Variants in ARHGAP24 observed in about 807,000 individuals in gnomAD.
ARHGAP24 encodes the protein Rho GTPase activating protein 24, also known as rho GTPase-activating protein 24.
In ARHGAP24, 50 loss-of-function variants were observed where a neutral mutation model predicts 76.4. That is an observed-to-expected ratio of 0.65 (90% CI 0.52 to 0.83). The LOEUF (loss-of-function observed/expected upper bound fraction) is 0.83. ARHGAP24 is among the 40% of genes least tolerant of loss of function. ARHGAP24 has a pLI of 0.00. For missense variants in ARHGAP24, 930 were observed against 914.2 expected (o/e 1.02, Z -0.22); for synonymous variants, 345 against 323.3 (o/e 1.07, Z -0.72).
intron 1 of ARHGAP24, among the ~76,000 whole-genome samples, chr4:85,485,591 T>C (rs1408071017): frequency 6.6e-6 from 1 of 151,478 alleles, no homozygotes; most frequent in African/African-American, 2.4e-5. Context: ...TATTAATTAG[T>C]GCCTGAGAAC....
At chr4:85,574,671 C>T (rs561310016) in intron 2 of ARHGAP24, among the ~76,000 whole-genome samples, 10 of 152,338 alleles carry the variant, frequency 6.6e-5, no homozygotes, top group Non-Finnish European at 1.3e-4. Context: ...CTATGTTAAT[C>T]TCAGAAAGGA....
At chr4:85,902,041 G>T (rs781763859) in intron 3 of ARHGAP24, among the ~76,000 whole-genome samples, 41 of 152,030 alleles carry the variant, frequency 2.7e-4, no homozygotes, top group Non-Finnish European at 2.8e-4. Flanking sequence ...TGTTCTCATT[G>T]TTCAGCTCCC....
chr4:85,684,470 T>A (rs1723347216), intron 2 of ARHGAP24, among the ~76,000 whole-genome samples: 1 of 152,178 alleles, frequency 6.6e-6, no homozygotes, highest in African/African-American at 2.4e-5. Flanking sequence ...CATTCATTCT[T>A]TGAAATGAGA....
chr4:85,928,332 C>A (rs535538665), intron 4 of ARHGAP24, among the ~76,000 whole-genome samples: 1 of 151,922 alleles, frequency 6.6e-6, no homozygotes, highest in Non-Finnish European at 1.5e-5. Flanking sequence ...CCTTTCCTCC[C>A]GTCCTTCCTT....
intron 1 of ARHGAP24, among the ~76,000 whole-genome samples, chr4:85,567,369 G>C (rs1726891279): frequency 6.6e-6 from 1 of 152,184 alleles, no homozygotes; most frequent in Non-Finnish European, 1.5e-5. Context: ...AAGCCAAAAG[G>C]ATGGATTTGA....
chr4:85,597,241 A>G (rs892793037), intron 2 of ARHGAP24, among the ~76,000 whole-genome samples: 2 of 152,156 alleles, frequency 1.3e-5, no homozygotes, highest in Non-Finnish European at 2.9e-5. Context: ...TGTCAGGAAC[A>G]TAAAAGATAA....
At chr4:85,502,700 A>G (rs1445961705) in intron 1 of ARHGAP24, among the ~76,000 whole-genome samples, 2 of 152,188 alleles carry the variant, frequency 1.3e-5, no homozygotes, top group African/African-American at 4.8e-5. Context: ...TCCTAATTGA[A>G]TACCCTCTAT....
chr4:85,570,740 A>G lies in ARHGAP24; in HGVS notation c.180+19A>G. ...GCCCTTGGTGAGTAGGAGAAAATGT[A>G]AAGCATTAAGGGCCTAAGAAAGCCA... On this transcript the variant is annotated intron_variant, in intron 2 of 9. Transcript: ENST00000395184. 6.2e-7 allele frequency: 1 copy of G among 1,613,638 alleles called. No homozygotes were observed. Among genetic ancestry groups the G allele is most frequent in the South Asian group, 1.1e-5 (1 of 91,050 alleles).
chr4:85,617,875 A>G (rs1182094671), intron 2 of ARHGAP24, among the ~76,000 whole-genome samples: 2 of 152,162 alleles, frequency 1.3e-5, no homozygotes, highest in African/African-American at 4.8e-5. Flanking sequence ...CAAAAATTCT[A>G]TATTTTATAC....
chr4:85,806,259 A>G (rs1386226907), intron 3 of ARHGAP24, among the ~76,000 whole-genome samples: 4 of 152,216 alleles, frequency 2.6e-5, no homozygotes, highest in East Asian at 3.9e-4. Context: ...CTAAAGGGGA[A>G]GAAGGGATGC....
chr4:85,916,195 G>GT (rs1735377278), intron 3 of ARHGAP24, among the ~76,000 whole-genome samples: 1 of 152,030 alleles, frequency 6.6e-6, no homozygotes, highest in Non-Finnish European at 1.5e-5. Context: ...TTTCATGTTT[G>GT]TTGGCCGCAT....
intron 3 of ARHGAP24, among the ~76,000 whole-genome samples, chr4:85,776,388 C>G (rs910227793): frequency 3.3e-5 from 5 of 152,132 alleles, no homozygotes; most frequent in African/African-American, 1.2e-4. Flanking sequence ...TTCTGAAATT[C>G]AGAGCATTCC....
intron 3 of ARHGAP24, among the ~76,000 whole-genome samples, chr4:85,767,905 A>G (rs964690088): frequency 2.6e-5 from 4 of 152,200 alleles, no homozygotes; most frequent in Non-Finnish European, 1.5e-5. Flanking sequence ...TACACTATTA[A>G]CTTCTGTTTA....
chr4:85,570,103 G>C (rs1478056079), intron 1 of ARHGAP24, among the ~76,000 whole-genome samples: 1 of 152,114 alleles, frequency 6.6e-6, no homozygotes, highest in Non-Finnish European at 1.5e-5. Context: ...GTTCTACTTA[G>C]GGACAAAGAG....
chr4:85,778,979 T>C (rs1727418554), intron 3 of ARHGAP24: 1 of 985,340 alleles, frequency 1.0e-6, no homozygotes, highest in African/African-American at 1.7e-5. Context: ...CTGTTTTTAC[T>C]CATTTAAATC....
intron 2 of ARHGAP24, among the ~76,000 whole-genome samples, chr4:85,663,766 A>G (rs1175633606): frequency 1.3e-5 from 2 of 151,952 alleles, no homozygotes; most frequent in Admixed American, 6.6e-5. Context: ...TTCTGCATCT[A>G]TTGAGATACT....
chr4:85,834,699 T>C (rs1357961138), intron 3 of ARHGAP24, among the ~76,000 whole-genome samples: 1 of 152,176 alleles, frequency 6.6e-6, no homozygotes, highest in Non-Finnish European at 1.5e-5. Flanking sequence ...GAAAAGACCA[T>C]TAATCTTAAA....
intron 3 of ARHGAP24, among the ~76,000 whole-genome samples, chr4:85,760,824 G>A (rs925944765): frequency 1.6e-4 from 24 of 152,118 alleles, no homozygotes; most frequent in African/African-American, 4.6e-4. Flanking sequence ...CTTGCCCCAC[G>A]TAGTTAACAA....
At position 85,493,419 on chromosome 4, in the gene ARHGAP24, G is replaced by A. The variant is rs1013031293; in HGVS notation, c.-21+17860G>A. 9.2e-5 allele frequency among the ~76,000 whole-genome samples: 14 copies of A among 152,120 alleles called. 1 individual carries two copies. Among genetic ancestry groups the A allele is most frequent in the African/African-American group, 2.9e-4 (12 of 41,408 alleles). ...ATTATTAGTTAAAATTCTTCTACGC[G>A]GAAGTTTTCCCTTACCCCCCACTTA... On this transcript the variant is annotated intron_variant, in intron 1 of 9. Coordinates refer to ENST00000395184, the MANE Select transcript of ARHGAP24 (RefSeq NM_001025616.3).
Sources: gnomAD v4.1 joint callset for allele counts (sites outside exome capture counted in the v4.1 genomes callset) on GRCh38, gnomAD v4.1.1 for gene constraint, MANE v1.5 for transcripts, NCBI Gene and HGNC (gene_info 2026-07-23, HGNC 2026-07-21) for gene names.